TMEM240: variants seen among roughly 807,000 people sequenced by gnomAD.
TMEM240 encodes the protein transmembrane protein 240, also known as transmembrane protein C1orf70.
In TMEM240, 3 loss-of-function variants were observed where a neutral mutation model predicts 19.5. The observed-to-expected ratio is 0.15, with a 90% CI of 0.07 to 0.40. The LOEUF (loss-of-function observed/expected upper bound fraction) is 0.40, where lower values mean the gene tolerates loss of function less well. TMEM240 is among the 10% of genes least tolerant of loss of function. The probability of loss-of-function intolerance (pLI) is 1.00; values close to 1 mark genes in which losing one functional copy is unlikely to be tolerated. For missense variants in TMEM240, 210 were observed against 253.5 expected (o/e 0.83, Z 1.17); for synonymous variants, 123 against 109.3 (o/e 1.13, Z -0.78).
intron 1 of TMEM240, among the ~76,000 whole-genome samples, chr1:1,540,053 G>A (rs1348182146): frequency 2.0e-5 from 2 of 99,172 alleles, no homozygotes; most frequent in Non-Finnish European, 4.3e-5. Context: ...GCCGGGGTGG[G>A]GGGAGCGTAG....
rs748477956 is a variant in TMEM240, at chr1:1,535,767, G to A, written c.195C>T (p.Asp65=). ...AGGCGTCCACCACCGACTGGTCCCCGTCGTACGGGATCACGTAGTGGATAT... is the reference window on the plus strand; with the variant it reads ...AGGCGTCCACCACCGACTGGTCCCCATCGTACGGGATCACGTAGTGGATAT... ...RHHIHYVIPY[D]GDQSVVDASE... The change falls in exon 3 of 4, where the codon GAC becomes GAT. Residue 65 remains aspartate, a synonymous_variant. Transcript: ENST00000378733. This position sits in a 1 kb window ranked among gnomAD's most constrained non-coding sequence, Gnocchi z 8.2. 2.4e-5 allele frequency: 37 copies of A among 1,550,028 alleles called. No homozygotes were observed. Among genetic ancestry groups the A allele is most frequent in the South Asian group, 1.8e-4 (15 of 84,066 alleles).
At chr1:1,539,491 G>A (rs9439465) in intron 2 of TMEM240, 193 bp downstream of exon 2, 10 of 588,292 alleles carry the variant, frequency 1.7e-5, no homozygotes, top group Non-Finnish European at 3.0e-5. Flanking sequence ...CTCTAGGAAC[G>A]GCGTCCTAAA....
chr1:1,538,489 G>A (rs953358317), intron 2 of TMEM240, among the ~76,000 whole-genome samples: 6 of 152,246 alleles, frequency 3.9e-5, no homozygotes, highest in Admixed American at 3.3e-4. Context: ...CGTGGAGGCC[G>A]CACCTTTCTG....
In TMEM240 at chr1:1,535,278, C is replaced by G; in HGVS notation, c.*81G>C. The stretch of plus-strand genomic sequence containing the variant: ...GCCCAGGGCTGCTGTCCAGTCCCGC[C>G]GGCCCGGGCGTCCACGAGGTCCCTT... On this transcript the variant is annotated 3_prime_UTR_variant, in exon 4 of 4. Transcript: ENST00000378733. The surrounding 1 kb of genome is among the most constrained non-coding windows in gnomAD (Gnocchi z 8.2). The G allele has an allele frequency of 6.7e-7, 1 of 1,484,608 alleles. No homozygotes were observed. Among genetic ancestry groups the G allele is most frequent in the East Asian group, 2.5e-5 (1 of 39,318 alleles). 92.0% of individuals were successfully genotyped at this position (1,484,608 alleles called of 1,614,324 possible). A position where few individuals can be genotyped will look rare whatever the true frequency, so the allele number is the denominator to read the frequency against.
At chr1:1,539,857 G>A (rs1339028640) in intron 1 of TMEM240, 67 bp from the exon 2 acceptor site, 1 of 1,388,470 alleles carries the variant, frequency 7.2e-7, no homozygotes, top group South Asian at 1.3e-5. Flanking sequence ...GGGGTGGGGA[G>A]CGCAGGCCGG....
chr1:1,537,933 TCTC>T (rs1642247547), intron 2 of TMEM240, among the ~76,000 whole-genome samples: 1 of 152,128 alleles, frequency 6.6e-6, no homozygotes, highest in Admixed American at 6.5e-5. Context: ...CCATACACGT[TCTC>T]CACGTCAACG....
chr1:1,535,319 A>C lies in TMEM240; in HGVS notation c.*40T>G. 1 of 1,543,466 alleles carries C rather than the reference A, an allele frequency of 6.5e-7. No homozygotes were observed. The highest frequency in any genetic ancestry group is 8.7e-7 in the Non-Finnish European group (1 of 1,143,834). On this transcript the variant is annotated 3_prime_UTR_variant, in exon 4 of 4. Coordinates refer to ENST00000378733, the MANE Select transcript of TMEM240 (RefSeq NM_001114748.2). This position sits in a 1 kb window ranked among gnomAD's most constrained non-coding sequence, Gnocchi z 8.2. Reference sequence around the variant, plus strand: ...GAGGTCCCTTTTACATCTGTACAGCAGCCGGTTGGCTCGGTGGCCCCGGTA... The same window carrying C: ...GAGGTCCCTTTTACATCTGTACAGCCGCCGGTTGGCTCGGTGGCCCCGGTA...
At position 1,536,024 on chromosome 1, in the gene TMEM240, C is replaced by T. The variant is rs997229666; in HGVS notation, c.165-227G>A. ...GTGGCCATGGGCTGTGGAGGCCGAG[C>T]GTGAAGTCCGGGCAGACAGCGGGAC... On this transcript the variant is annotated intron_variant, in intron 2 of 3. Transcript: ENST00000378733. The surrounding 1 kb of genome is among the most constrained non-coding windows in gnomAD (Gnocchi z 5.4). Among the ~76,000 whole-genome samples, 11 of 152,172 alleles carry T rather than the reference C, an allele frequency of 7.2e-5. No homozygotes were observed. In the East Asian group the frequency reaches 9.7e-4, roughly 13 times the overall value.
chr1:1,537,364 G>A (rs2100697303), intron 2 of TMEM240, among the ~76,000 whole-genome samples: 1 of 152,268 alleles, frequency 6.6e-6, no homozygotes, highest in East Asian at 1.9e-4. Context: ...CCAATGGGCA[G>A]CTGCTGACCA....
chr1:1,538,792 C>T (rs772662492), intron 2 of TMEM240, among the ~76,000 whole-genome samples: 2 of 152,250 alleles, frequency 1.3e-5, no homozygotes, highest in South Asian at 2.1e-4. Flanking sequence ...GCCCCACACC[C>T]ACACGTATGC....
At position 1,536,699 on chromosome 1, in the gene TMEM240, C is replaced by T. The variant is rs570630053; in HGVS notation, c.165-902G>A. Reference sequence around the variant, plus strand: ...GTCTCCGGGCCTTGACTCTGCCGATCGGACTGGCATCCCAGACAGTCAACT... The same window carrying T: ...GTCTCCGGGCCTTGACTCTGCCGATTGGACTGGCATCCCAGACAGTCAACT... On this transcript the variant is annotated intron_variant, in intron 2 of 3. Transcript: ENST00000378733. This position sits in a 1 kb window ranked among gnomAD's most constrained non-coding sequence, Gnocchi z 5.4. Among the ~76,000 whole-genome samples, 2 of 152,210 alleles carry T rather than the reference C, an allele frequency of 1.3e-5. No homozygotes were observed. The highest frequency in any genetic ancestry group is 2.1e-4 in the South Asian group (1 of 4,822).
At chr1:1,539,345 C>T (rs1291100304) in intron 2 of TMEM240, 2 of 335,718 alleles carry the variant, frequency 6.0e-6, no homozygotes, top group Non-Finnish European at 1.1e-5. Flanking sequence ...AGCCCTGTGC[C>T]AGCAGGCGCT....
Position 1,535,125 on chromosome 1 carries a change from C to T in TMEM240, c.*234G>A, listed in dbSNP as rs1400978841. On this transcript the variant is annotated 3_prime_UTR_variant, in exon 4 of 4. Transcript: ENST00000378733. The surrounding 1 kb of genome is among the most constrained non-coding windows in gnomAD (Gnocchi z 8.2). ...GGGATGAGTCCGCCCTTGTGTCCTG[C>T]CCCCCAACTGCAGGGTCTCCCCTAA... 11 of 290,334 alleles carry T rather than the reference C, an allele frequency of 3.8e-5. No homozygotes were observed. Among genetic ancestry groups the T allele is most frequent in the Non-Finnish European group, 6.6e-5 (10 of 152,228 alleles). The allele number at this position is 290,334 out of a possible 1,614,324, so 18.0% of individuals were successfully genotyped here.
At chr1:1,537,349 C>T (rs576100909) in intron 2 of TMEM240, among the ~76,000 whole-genome samples, 8 of 152,262 alleles carry the variant, frequency 5.3e-5, no homozygotes, top group Non-Finnish European at 8.8e-5. Flanking sequence ...CATCGTCCAT[C>T]GTCACCAATG....
chr1:1,535,183 C>G lies in TMEM240; in HGVS notation c.*176G>C, dbSNP rs1642192564. 1.4e-6 allele frequency: 1 copy of G among 698,228 alleles called. No homozygotes were observed. Among genetic ancestry groups the G allele is most frequent in the Admixed American group, 3.2e-5 (1 of 31,138 alleles). The allele number at this position is 698,228 out of a possible 1,614,324, so 43.3% of individuals were successfully genotyped here. A position where few individuals can be genotyped will look rare whatever the true frequency, so the allele number is the denominator to read the frequency against. On this transcript the variant is annotated 3_prime_UTR_variant, in exon 4 of 4. Coordinates refer to ENST00000378733, the MANE Select transcript of TMEM240 (RefSeq NM_001114748.2). This position sits in a 1 kb window ranked among gnomAD's most constrained non-coding sequence, Gnocchi z 8.2. ...CCCACCCTAGCCCACACCCCAACCC[C>G]CTTTATAAAAAGAAGAGACAGCACC...
intron 2 of TMEM240, among the ~76,000 whole-genome samples, chr1:1,538,719 G>T (rs951352206): frequency 1.3e-5 from 2 of 152,198 alleles, no homozygotes; most frequent in African/African-American, 4.8e-5. Flanking sequence ...TCATCGACAC[G>T]CCTGCTGCAC....
In TMEM240 at chr1:1,536,362, C is replaced by G. The variant is rs915379160; in HGVS notation, c.165-565G>C. ...TGCCCCTGGTGTTTCTTCTGCTCCT[C>G]TATCCCTGGGAGGTGCTGTCGGAGG... On this transcript the variant is annotated intron_variant, in intron 2 of 3. Coordinates refer to ENST00000378733, the MANE Select transcript of TMEM240 (RefSeq NM_001114748.2). This position sits in a 1 kb window ranked among gnomAD's most constrained non-coding sequence, Gnocchi z 5.4. 6.6e-6 allele frequency among the ~76,000 whole-genome samples: 1 copy of G among 152,198 alleles called. No homozygotes were observed. The highest frequency in any genetic ancestry group is 2.4e-5 in the African/African-American group (1 of 41,444).
rs936719939 is a variant in TMEM240 at position 1,535,593 on chromosome 1, G to C, written c.369C>G (p.Arg123=). The change falls in exon 3 of 4, where the codon CGC becomes CGG. Residue 123 remains arginine, a synonymous_variant. Coordinates refer to ENST00000378733, the MANE Select transcript of TMEM240 (RefSeq NM_001114748.2). This position sits in a 1 kb window ranked among gnomAD's most constrained non-coding sequence, Gnocchi z 8.2. ...CAVRAWRAGR[R]YDGSWTWLPK... is the part of the protein sequence containing the mutation. Reference sequence around the variant, plus strand: ...CGGCGGGCACGAGGCACTCACCGTAGCGCCGTCCGGCTCTCCAGGCGCGCA... The same window carrying C: ...CGGCGGGCACGAGGCACTCACCGTACCGCCGTCCGGCTCTCCAGGCGCGCA... The C allele has an allele frequency of 6.5e-7, 1 of 1,548,918 alleles. No homozygotes were observed. The highest frequency in any genetic ancestry group is 2.0e-5 in the Admixed American group (1 of 50,938).
intron 1 of TMEM240, 102 bp from the exon 2 acceptor site, chr1:1,539,892 C>T: frequency 1.1e-6 from 1 of 909,764 alleles, no homozygotes; most frequent in Non-Finnish European, 1.6e-6. Context: ...AAGCGGGGAG[C>T]GAGAGCGCAG....
Sources: gnomAD v4.1 joint callset for allele counts (sites outside exome capture counted in the v4.1 genomes callset) on GRCh38, gnomAD v4.1.1 for gene constraint, Gnocchi (gnomAD v3.1) non-coding constraint, MANE v1.5 for transcripts, NCBI Gene and HGNC (gene_info 2026-07-23, HGNC 2026-07-21) for gene names.